Variants in AKAP8L observed in about 807,000 individuals in gnomAD.
AKAP8L encodes the protein A-kinase anchor protein 8-like.
Under a neutral mutation model 77.5 loss-of-function variants are expected in AKAP8L, and 34 were observed. The observed-to-expected ratio is 0.44, with a 90% CI of 0.33 to 0.58. AKAP8L has a LOEUF of 0.58. AKAP8L is among the 20% of genes least tolerant of loss of function. The pLI is 0.02. For synonymous variants in AKAP8L, 342 were observed against 340.7 expected, an observed-to-expected ratio of 1.00 and a Z score of -0.04; for missense variants, 806 against 887.6, an observed-to-expected ratio of 0.91 and a Z score of 1.17.
intron 2 of AKAP8L, among the ~76,000 whole-genome samples, chr19:15,405,649 C>T (rs1464856499): frequency 6.6e-6 from 1 of 151,832 alleles, no homozygotes; most frequent in African/African-American, 2.4e-5. Flanking sequence ...AGGAGTTGGG[C>T]GTGGTGGCTC....
Position 15,380,382 on chromosome 19 carries a change from C to A in AKAP8L, c.1681G>T (p.Glu561Ter). ...TCGTCCAGGGCACCGCCCTCAGCCTCCTCCTGCTCCTTCTCCTCCTCGGGG... is the reference window on the plus strand; with the variant it reads ...TCGTCCAGGGCACCGCCCTCAGCCTACTCCTGCTCCTTCTCCTCCTCGGGG... The part of the protein sequence containing the change: ...DSPEEEKEQE[E>*]AEGGALDEGA... Residue 561 changes from glutamate (E) to a stop codon, truncating the protein, a stop_gained, in exon 14 of 14, where the codon GAG becomes TAG. Transcript: ENST00000397410. LOFTEE classifies it low-confidence loss of function (END_TRUNC). 1 of 1,579,168 alleles carries A rather than the reference C, an allele frequency of 6.3e-7. No individual in the cohort carries two copies.
intron 1 of AKAP8L, among the ~76,000 whole-genome samples, chr19:15,411,378 C>T (rs554466214): frequency 1.3e-5 from 2 of 152,028 alleles, no homozygotes; most frequent in Non-Finnish European, 1.5e-5. Context: ...TATTTCTGGG[C>T]CGGGCAGTGG....
Position 15,399,688 on chromosome 19 carries a change from A to C in AKAP8L, c.1049-278T>G, listed in dbSNP as rs2145130379. The C allele has an allele frequency of 2.1e-6, 1 of 474,952 alleles. No homozygotes were observed. Among genetic ancestry groups the C allele is most frequent in the Non-Finnish European group, 3.8e-6 (1 of 260,160 alleles). 29.4% of individuals were successfully genotyped at this position (474,952 alleles called of 1,614,324 possible). On this transcript the variant is annotated intron_variant, in intron 8 of 13. Coordinates refer to ENST00000397410, the MANE Select transcript of AKAP8L (RefSeq NM_014371.4). This position sits in a 1 kb window ranked among gnomAD's most constrained non-coding sequence, Gnocchi z 6.1. ...GGGCCAGGAGGAGGCTGGAAAGCAAAGAGGGGGTATCTTTGTGGGGACACT... is the reference window on the plus strand; with the variant it reads ...GGGCCAGGAGGAGGCTGGAAAGCAACGAGGGGGTATCTTTGTGGGGACACT...
rs191248218 is a variant in AKAP8L, at chr19:15,389,703, G to A, written c.1536+7447C>T. Among the ~76,000 whole-genome samples, 1,086 of 152,284 alleles carry A rather than the reference G, an allele frequency of 7.1e-3. 7 individuals are homozygous for A. The highest frequency in any genetic ancestry group is 0.013 in the Non-Finnish European group (865 of 68,022). ...GGGGAATCACTTGAACCTGGGAGGC[G>A]GAGGTTGCAGTGAGCTGAGATTGTG... On this transcript the variant is annotated intron_variant, in intron 12 of 13. Coordinates refer to ENST00000397410, the MANE Select transcript of AKAP8L (RefSeq NM_014371.4).
chr19:15,388,043 G>A (rs1967578143), intron 12 of AKAP8L, among the ~76,000 whole-genome samples: 1 of 152,104 alleles, frequency 6.6e-6, no homozygotes, highest in Admixed American at 6.6e-5. Context: ...AGCAATCTAT[G>A]CCCCAAAACA....
In AKAP8L at chr19:15,380,501, C is replaced by A. The variant is rs1313873871; in HGVS notation, c.1632+16G>T. The A allele has an allele frequency of 1.2e-6, 2 of 1,613,670 alleles. No individual in the cohort carries two copies. Among genetic ancestry groups the A allele is most frequent in the South Asian group, 2.2e-5 (2 of 91,040 alleles). On this transcript the variant is annotated intron_variant, in intron 13 of 13. Transcript: ENST00000397410. Reference sequence around the variant, plus strand: ...GACTAAGCTGGGGACAGGGCAGGCCCGGACCAGTGCCTCACCTTCAGGTAG... The same window carrying A: ...GACTAAGCTGGGGACAGGGCAGGCCAGGACCAGTGCCTCACCTTCAGGTAG...
intron 2 of AKAP8L, among the ~76,000 whole-genome samples, chr19:15,409,674 T>C (rs1968070930): frequency 6.6e-6 from 1 of 152,202 alleles, no homozygotes; most frequent in Non-Finnish European, 1.5e-5. Context: ...TTAACAGCAG[T>C]CCGGGCTGCC....
rs996719754 is a variant in AKAP8L, at chr19:15,399,507, G to A, written c.1049-97C>T. 1.6e-5 allele frequency: 14 copies of A among 887,874 alleles called. No individual in the cohort carries two copies. Among genetic ancestry groups the A allele is most frequent in the African/African-American group, 6.5e-5 (4 of 61,384 alleles). The allele number at this position is 887,874 out of a possible 1,614,324, so 55.0% of individuals were successfully genotyped here. Reference sequence around the variant, plus strand: ...GAATCACCCACTGTCCACTCCAGAGGGTCCATCGAGAATAGCTGTCCAAGC... The same window carrying A: ...GAATCACCCACTGTCCACTCCAGAGAGTCCATCGAGAATAGCTGTCCAAGC... On this transcript the variant is annotated intron_variant, in intron 8 of 13. Transcript: ENST00000397410. The surrounding 1 kb of genome is among the most constrained non-coding windows in gnomAD (Gnocchi z 6.1).
chr19:15,380,672 C>T (rs1967391174), intron 12 of AKAP8L, 60 bp from the exon 13 acceptor site: 2 of 1,549,342 alleles, frequency 1.3e-6, no homozygotes, highest in Admixed American at 3.4e-5. Context: ...AGTTGCTGCC[C>T]CGACCCTGCC....
intron 12 of AKAP8L, among the ~76,000 whole-genome samples, chr19:15,394,841 A>G (rs1273422815): frequency 3.3e-5 from 5 of 152,350 alleles, no homozygotes; most frequent in African/African-American, 1.2e-4. Context: ...ATTCTAAAAA[A>G]TACAGTATTT....
chr19:15,417,196 C>A (rs911234407), intron 1 of AKAP8L, among the ~76,000 whole-genome samples: 1 of 152,138 alleles, frequency 6.6e-6, no homozygotes, highest in Non-Finnish European at 1.5e-5. Flanking sequence ...CTCAGCTACC[C>A]CACAGCACCC....
rs1444725597 is a variant in AKAP8L, at chr19:15,399,768, C to A, written c.1049-358G>T. On this transcript the variant is annotated intron_variant, in intron 8 of 13. Coordinates refer to ENST00000397410, the MANE Select transcript of AKAP8L (RefSeq NM_014371.4). This position sits in a 1 kb window ranked among gnomAD's most constrained non-coding sequence, Gnocchi z 6.1. Reference sequence around the variant, plus strand: ...GATGCAGGGAGGCTGCTCACATGGCCCTGCCCACCCCCAACCGGGCACCGC... The same window carrying A: ...GATGCAGGGAGGCTGCTCACATGGCACTGCCCACCCCCAACCGGGCACCGC... The A allele has an allele frequency of 5.7e-6, 2 of 350,860 alleles. No homozygotes were observed. Among genetic ancestry groups the A allele is most frequent in the South Asian group, 3.1e-5 (1 of 32,138 alleles). The allele number at this position is 350,860 out of a possible 1,614,324, so 21.7% of individuals were successfully genotyped here.
chr19:15,383,927 C>CTTTTTTT (rs3040939), intron 12 of AKAP8L: 27 of 83,672 alleles, frequency 3.2e-4, no homozygotes, highest in African/African-American at 5.5e-4. Flanking sequence ...AGGTCTATTT[C>CTTTTTTT]TTTTTTTTTT....
intron 2 of AKAP8L, among the ~76,000 whole-genome samples, chr19:15,409,055 A>G (rs1041197271): frequency 1.3e-5 from 2 of 152,180 alleles, no homozygotes; most frequent in African/African-American, 4.8e-5. Context: ...CCACAACTAA[A>G]ACACCTAAAA....
intron 2 of AKAP8L, among the ~76,000 whole-genome samples, chr19:15,405,794 C>T (rs1967984960): frequency 1.3e-5 from 2 of 152,000 alleles, no homozygotes; most frequent in Admixed American, 6.5e-5. Context: ...TGGTGGTGCG[C>T]GTCTATGGTC....
chr19:15,389,698 G>A (rs577622291), intron 12 of AKAP8L, among the ~76,000 whole-genome samples: 1 of 152,326 alleles, frequency 6.6e-6, no homozygotes, highest in African/African-American at 2.4e-5. Flanking sequence ...TTGAACCTGG[G>A]AGGCGGAGGT....
intron 1 of AKAP8L, among the ~76,000 whole-genome samples, chr19:15,417,921 G>A (rs1408692790): frequency 1.3e-5 from 2 of 152,188 alleles, no homozygotes; most frequent in African/African-American, 4.8e-5. Context: ...CAAGCATATT[G>A]CGGGGGGCGG....
In AKAP8L at chr19:15,403,441, C is replaced by G; in HGVS notation, c.362+34G>C. The stretch of plus-strand genomic sequence containing the variant: ...GGGCAGCAGGCAGGAGCCGCCCCTG[C>G]AGAGTCTCAACCCCTAGGCAGGTGT... On this transcript the variant is annotated intron_variant, in intron 4 of 13. Coordinates refer to ENST00000397410, the MANE Select transcript of AKAP8L (RefSeq NM_014371.4). This position sits in a 1 kb window ranked among gnomAD's most constrained non-coding sequence, Gnocchi z 4.3. The G allele has an allele frequency of 6.2e-7, 1 of 1,607,966 alleles. No homozygotes were observed. The highest frequency in any genetic ancestry group is 2.2e-5 in the East Asian group (1 of 44,858).
intron 7 of AKAP8L, 161 bp downstream of exon 7, chr19:15,400,633 T>C: frequency 2.2e-6 from 2 of 914,244 alleles, no homozygotes; most frequent in Non-Finnish European, 3.4e-6. Context: ...TGCCTCCAGC[T>C]AGGCAGCCTG....
Sources: allele counts gnomAD v4.1 joint callset (sites outside exome capture counted in the v4.1 genomes callset), GRCh38; gene constraint gnomAD v4.1.1; non-coding constraint Gnocchi (gnomAD v3.1); transcripts MANE v1.5; gene names NCBI Gene and HGNC (gene_info 2026-07-23, HGNC 2026-07-21).